Variants in SLC2A12 observed in about 807,000 individuals in gnomAD.
SLC2A12 encodes solute carrier family 2, facilitated glucose transporter member 12.
SLC2A12 carries 23 observed loss-of-function variants against 41.8 expected under a neutral mutation model. That is an observed-to-expected ratio of 0.55 (90% confidence interval 0.40 to 0.78). The LOEUF is 0.78. SLC2A12 is among the 30% of genes least tolerant of loss of function. SLC2A12 has a pLI of 0.00. For missense variants in SLC2A12, 654 were observed against 745.6 expected (o/e 0.88, Z 1.43); for synonymous variants, 295 against 285.9 (o/e 1.03, Z -0.32).
intron 1 of SLC2A12, among the ~76,000 whole-genome samples, chr6:134,050,740 C>T (rs532665320): frequency 6.6e-6 from 1 of 152,178 alleles, no homozygotes; most frequent in East Asian, 1.9e-4. Flanking sequence ...TAGACTGCAG[C>T]TCATGTTCCC....
intron 4 of SLC2A12, among the ~76,000 whole-genome samples, chr6:133,995,261 TGAG>T (rs141162523): frequency 0.025 from 3,860 of 152,168 alleles, 149 homozygotes; most frequent in African/African-American, 0.086. Context: ...TCTGTGCTGA[TGAG>T]GAGTAGGTAA....
At chr6:134,032,285 T>G (rs1370579168) in intron 1 of SLC2A12, among the ~76,000 whole-genome samples, 1 of 151,090 alleles carries the variant, frequency 6.6e-6, no homozygotes, top group Non-Finnish European at 1.5e-5. Context: ...TAAAGCAAAT[T>G]TATGAGCATT....
chr6:134,029,875 TG>T (rs1370914717), intron 1 of SLC2A12, among the ~76,000 whole-genome samples, 154 bp from the exon 2 acceptor site: 1 of 152,164 alleles, frequency 6.6e-6, no homozygotes, highest in Non-Finnish European at 1.5e-5. Flanking sequence ...AACCAAAAAA[TG>T]ATTTGATATA....
intron 4 of SLC2A12, among the ~76,000 whole-genome samples, chr6:133,997,725 C>T (rs1213711389): frequency 6.6e-6 from 1 of 152,110 alleles, no homozygotes; most frequent in African/African-American, 2.4e-5. Context: ...GTGACAGAGT[C>T]ATTCATACTC....
At chr6:133,992,115 C>T (rs757488421) in intron 4 of SLC2A12, among the ~76,000 whole-genome samples, 7 of 152,068 alleles carry the variant, frequency 4.6e-5, no homozygotes, top group Admixed American at 1.3e-4. Flanking sequence ...GGCAGGGAAA[C>T]GGTTGGTATC....
At chr6:134,002,499 C>T (rs1294848823) in intron 3 of SLC2A12, among the ~76,000 whole-genome samples, 3 of 152,146 alleles carry the variant, frequency 2.0e-5, no homozygotes, top group African/African-American at 7.2e-5. Flanking sequence ...GGTAAAATCT[C>T]TCTTCTCCCT....
intron 4 of SLC2A12, among the ~76,000 whole-genome samples, chr6:133,991,510 T>C (rs1313718195): frequency 6.6e-6 from 1 of 152,198 alleles, no homozygotes; most frequent in African/African-American, 2.4e-5. Context: ...GGGGTAACGG[T>C]GTCTTCTCAG....
At chr6:133,993,449 A>G (rs529081090) in intron 4 of SLC2A12, among the ~76,000 whole-genome samples, 1 of 152,180 alleles carries the variant, frequency 6.6e-6, no homozygotes, top group Non-Finnish European at 1.5e-5. Flanking sequence ...TTGCAGTGTC[A>G]TCCTGACTAC....
At chr6:134,010,463 GC>G (rs1776865225) in intron 2 of SLC2A12, among the ~76,000 whole-genome samples, 1 of 152,100 alleles carries the variant, frequency 6.6e-6, no homozygotes, top group Non-Finnish European at 1.5e-5. Context: ...AGTTCAGCAG[GC>G]ACGAAAATTA....
At chr6:134,022,922 C>T (rs1482405638) in intron 2 of SLC2A12, among the ~76,000 whole-genome samples, 1 of 152,222 alleles carries the variant, frequency 6.6e-6, no homozygotes, top group Non-Finnish European at 1.5e-5. Flanking sequence ...TCTGTTTACA[C>T]AAGGACACTT....
intron 2 of SLC2A12, among the ~76,000 whole-genome samples, chr6:134,025,694 T>C (rs368560536): frequency 7.2e-5 from 11 of 152,118 alleles, no homozygotes; most frequent in African/African-American, 2.4e-4. Flanking sequence ...TACAACTGTG[T>C]GCCACAATGC....
chr6:134,049,373 C>G (rs753672441), intron 1 of SLC2A12, among the ~76,000 whole-genome samples: 5 of 152,148 alleles, frequency 3.3e-5, no homozygotes, highest in Non-Finnish European at 7.3e-5. Flanking sequence ...CTGTCCCCAG[C>G]CAATTGTTTG....
chr6:134,021,284 T>G (rs535759524), intron 2 of SLC2A12, among the ~76,000 whole-genome samples: 2 of 152,346 alleles, frequency 1.3e-5, no homozygotes, highest in South Asian at 4.1e-4. Flanking sequence ...CATCGTATTT[T>G]TAAGTCCTTT....
chr6:134,036,207 A>G (rs1777296753), intron 1 of SLC2A12, among the ~76,000 whole-genome samples: 1 of 152,266 alleles, frequency 6.6e-6, no homozygotes, highest in Middle Eastern at 3.4e-3. Flanking sequence ...GTAATTATAT[A>G]GCTTGACCAA....
chr6:134,035,173 A>T (rs955218901), intron 1 of SLC2A12, among the ~76,000 whole-genome samples: 5 of 143,022 alleles, frequency 3.5e-5, no homozygotes, highest in Non-Finnish European at 7.6e-5. Context: ...AAAAAAAAAA[A>T]ACTGTGTGTG....
At chr6:134,039,542 T>C (rs1777352030) in intron 1 of SLC2A12, among the ~76,000 whole-genome samples, 1 of 152,244 alleles carries the variant, frequency 6.6e-6, no homozygotes, top group African/African-American at 2.4e-5. Context: ...ATTTGCAGCA[T>C]TGCAAATAAC....
rs1257790477 is a variant in SLC2A12 at position 134,028,903 on chromosome 6, C to T, written c.922G>A (p.Val308Ile). The T allele has an allele frequency of 6.2e-7, 1 of 1,614,122 alleles. No individual in the cohort carries two copies. The highest frequency in any genetic ancestry group is 8.5e-7 in the Non-Finnish European group (1 of 1,180,052). The change falls in exon 2 of 5, where the codon GTT (valine) becomes ATT (isoleucine). Residue 308 changes from valine to isoleucine, a missense_variant. By Grantham distance (29) the Val-to-Ile change is conservative. Transcript: ENST00000275230. ...GCTGCCTCATTGCTTTGAAATCCAACTGACTTCAAAACAGTTGATGCATAG... is the reference window on the plus strand; with the variant it reads ...GCTGCCTCATTGCTTTGAAATCCAATTGACTTCAAAACAGTTGATGCATAG... The part of the protein sequence containing the change: ...LFYASTVLKS[V>I]GFQSNEAASL...
At chr6:134,010,096 G>A (rs1379637113) in intron 2 of SLC2A12, among the ~76,000 whole-genome samples, 1 of 152,186 alleles carries the variant, frequency 6.6e-6, no homozygotes, top group Non-Finnish European at 1.5e-5. Flanking sequence ...CTCAGTTTCA[G>A]TTCATAAGTA....
At chr6:133,998,682 A>C (rs1401416847) in intron 4 of SLC2A12, among the ~76,000 whole-genome samples, 1 of 152,194 alleles carries the variant, frequency 6.6e-6, no homozygotes, top group Non-Finnish European at 1.5e-5. Flanking sequence ...CTGGGACTAC[A>C]GGCGCAAGCC....
Sources: gnomAD v4.1 joint callset for allele counts (sites outside exome capture counted in the v4.1 genomes callset) on GRCh38, gnomAD v4.1.1 for gene constraint, MANE v1.5 for transcripts, NCBI Gene and HGNC (gene_info 2026-07-23, HGNC 2026-07-21) for gene names.